Variants in TNRC18 observed in about 807,000 individuals in gnomAD.
TNRC18 encodes the protein trinucleotide repeat containing 18.
In TNRC18, 69 loss-of-function variants were observed where a neutral mutation model predicts 226.7. The observed-to-expected ratio is 0.30, with a 90% CI of 0.25 to 0.37. TNRC18 has a LOEUF of 0.37. Among genes scored for constraint, TNRC18 ranks in the 10% least tolerant of loss-of-function variants. The pLI, the probability that TNRC18 is intolerant of heterozygous loss-of-function variation, is 1.00. For missense variants in TNRC18, 4,754 were observed against 4,256.6 expected, an observed-to-expected ratio of 1.12 and a Z score of -3.25; for synonymous variants, 2,449 against 1,927.6, an observed-to-expected ratio of 1.27 and a Z score of -7.09.
chr7:5,332,791 A>G lies in TNRC18; in HGVS notation c.5978T>C (p.Leu1993Pro). 6.6e-7 allele frequency: 1 copy of G among 1,513,458 alleles called. No homozygotes were observed. 93.8% of individuals were successfully genotyped at this position (1,513,458 alleles called of 1,614,324 possible). ...GCGCTCGCTGCGGCGCCGCGTCCAC[A>G]GGTCGTCGTCGCTGGCCTCGGGCCC... Reference protein sequence around the residue: ...EAGPEASDDDLWTRRRSERIF... With the variant: ...EAGPEASDDDPWTRRRSERIF... Residue 1993 changes from leucine to proline, a missense_variant, in exon 19 of 30, where the codon CTG becomes CCG. Leu to Pro is a moderately conservative substitution (Grantham distance 98, BLOSUM62 -3). Coordinates refer to ENST00000430969, the MANE Select transcript of TNRC18 (RefSeq NM_001080495.3).
intron 18 of TNRC18, among the ~76,000 whole-genome samples, chr7:5,340,490 A>G (rs1790576608): frequency 1.3e-5 from 2 of 152,160 alleles, no homozygotes; most frequent in Admixed American, 1.3e-4. Flanking sequence ...TCATCCCAGC[A>G]CTTTGGGAGG....
At chr7:5,314,131 T>C (rs1182662066) in intron 26 of TNRC18, among the ~76,000 whole-genome samples, 2 of 151,176 alleles carry the variant, frequency 1.3e-5, no homozygotes, top group Middle Eastern at 3.4e-3. Context: ...GGGGAATTTT[T>C]TGTATTATTA....
At chr7:5,358,768 C>A (rs971674328) in intron 15 of TNRC18, among the ~76,000 whole-genome samples, 1 of 152,118 alleles carries the variant, frequency 6.6e-6, no homozygotes, top group Admixed American at 6.6e-5. Context: ...GAGCCGAGAT[C>A]GTGCCACGGC....
At chr7:5,408,882 A>G (rs965505080) in intron 2 of TNRC18, among the ~76,000 whole-genome samples, 1 of 152,210 alleles carries the variant, frequency 6.6e-6, no homozygotes, top group Non-Finnish European at 1.5e-5. Context: ...TCTGTTTACT[A>G]GGGAAAGATG....
intron 2 of TNRC18, 197 bp downstream of exon 2, chr7:5,420,863 G>C: frequency 2.6e-6 from 2 of 755,866 alleles, no homozygotes; most frequent in Non-Finnish European, 2.3e-6. Flanking sequence ...GGAAAAGGTA[G>C]CCGAGCCGCG....
chr7:5,420,288 C>T (rs1399889377), intron 2 of TNRC18: 5 of 429,054 alleles, frequency 1.2e-5, no homozygotes, highest in African/African-American at 2.0e-5. Context: ...AGGGTTTTCC[C>T]CTCCGCCGCC....
At position 5,313,640 on chromosome 7, in the gene TNRC18, A is replaced by G; in HGVS notation, c.7251T>C (p.Ala2417=). 1 of 1,604,156 alleles carries G rather than the reference A, an allele frequency of 6.2e-7. No homozygotes were observed. ...GTGCTGGGGCCAGGGAGGTGGCAGG[A>G]GCTGGCAGCTCTGCAAATGGCTCGG... ...PAPEPFAELP[A]PATSLAPAPL... Residue 2417 remains alanine (A), a synonymous_variant, in exon 27 of 30, where the codon GCT becomes GCC. Transcript: ENST00000430969.
At chr7:5,308,414 G>C in intron 29 of TNRC18, 102 bp from the exon 30 acceptor site, 6 of 1,105,628 alleles carry the variant, frequency 5.4e-6, no homozygotes, top group Non-Finnish European at 7.8e-6. Context: ...GGGAGCCCCA[G>C]GGACTGAGAC....
chr7:5,308,720 G>A (rs1386051697), intron 29 of TNRC18, among the ~76,000 whole-genome samples, 155 bp downstream of exon 29: 2 of 152,168 alleles, frequency 1.3e-5, no homozygotes, highest in Non-Finnish European at 2.9e-5. Flanking sequence ...ACAGAGAACA[G>A]GAGCCAGGCA....
Position 5,321,202 on chromosome 7 carries a change from G to C in TNRC18, c.6443-12C>G, listed in dbSNP as rs769644972. Reference sequence around the variant, plus strand: ...GCAGGAGCGAGGGGCTGCAGGGGTTGGATCGTGAGGCGAGGCTGGAGCCGG... The same window carrying C: ...GCAGGAGCGAGGGGCTGCAGGGGTTCGATCGTGAGGCGAGGCTGGAGCCGG... On this transcript the variant is annotated splice_polypyrimidine_tract_variant and intron_variant, in intron 21 of 29. Transcript: ENST00000430969. The C allele has an allele frequency of 2.0e-6, 3 of 1,528,910 alleles. No homozygotes were observed. Among genetic ancestry groups the C allele is most frequent in the East Asian group, 2.5e-5 (1 of 40,422 alleles). 94.7% of individuals were successfully genotyped at this position (1,528,910 alleles called of 1,614,324 possible). A position where few individuals can be genotyped will look rare whatever the true frequency, so the allele number is the denominator to read the frequency against.
chr7:5,343,231 G>A (rs992126927), intron 18 of TNRC18, among the ~76,000 whole-genome samples: 2 of 141,636 alleles, frequency 1.4e-5, no homozygotes, highest in Non-Finnish European at 3.2e-5. Context: ...GTGTGTGCTT[G>A]TAATCCCAGC....
At chr7:5,421,828 ACCT>A (rs913477844) in intron 1 of TNRC18, among the ~76,000 whole-genome samples, 2 of 152,062 alleles carry the variant, frequency 1.3e-5, no homozygotes, top group Admixed American at 6.5e-5. Context: ...GTAAATACAA[ACCT>A]CCTATTTTAT....
At chr7:5,420,609 T>G (rs1337158632) in intron 2 of TNRC18, 1 of 455,548 alleles carries the variant, frequency 2.2e-6, no homozygotes, top group Non-Finnish European at 4.4e-6. Flanking sequence ...TCGGCGCGAG[T>G]GGTGGAGCTG....
In TNRC18 at chr7:5,388,681, GA is replaced by G; in HGVS notation, c.1142del (p.Phe381SerfsTer209). 1 of 1,266,214 alleles carries G rather than the reference GA, an allele frequency of 7.9e-7. No homozygotes were observed. The highest frequency in any genetic ancestry group is 1.6e-5 in the African/African-American group (1 of 62,434). The allele number at this position is 1,266,214 out of a possible 1,614,324, so 78.4% of individuals were successfully genotyped here. ...APTFVPSVEA[F>X]DERPGPIQIA... ...TCTGGATGGGCCCCGGGCGCTCGTC[GA>G]AGGCCTCCACGGAAGGCACGAAGGT... is the stretch of plus-strand genomic sequence containing the variant. On this transcript the variant is annotated frameshift_variant, in exon 5 of 30. Coordinates refer to ENST00000430969, the MANE Select transcript of TNRC18 (RefSeq NM_001080495.3). LOFTEE classifies it high-confidence loss of function.
chr7:5,326,995 ACG>A (rs1562496514), intron 19 of TNRC18, among the ~76,000 whole-genome samples: 4 of 151,722 alleles, frequency 2.6e-5, no homozygotes, highest in East Asian at 2.0e-4. Context: ...ATGGTGGCAC[ACG>A]CCTGTAGTCC....
intron 2 of TNRC18, among the ~76,000 whole-genome samples, chr7:5,413,902 G>A (rs1781995236): frequency 6.6e-6 from 1 of 152,124 alleles, no homozygotes; most frequent in Non-Finnish European, 1.5e-5. Flanking sequence ...ATAGTACAAT[G>A]AATGGTCCTA....
At chr7:5,420,799 C>T (rs1016665353) in intron 2 of TNRC18, 3 of 674,500 alleles carry the variant, frequency 4.4e-6, no homozygotes, top group Admixed American at 2.0e-5. Flanking sequence ...GAATCGCCCC[C>T]GGTGGCTCGG....
rs1399297765 is a variant in TNRC18 at position 5,315,986 on chromosome 7, G to A, written c.6832C>T (p.Arg2278Cys). The A allele has an allele frequency of 3.1e-6, 5 of 1,599,522 alleles. No homozygotes were observed. Among genetic ancestry groups the A allele is most frequent in the Admixed American group, 1.7e-5 (1 of 57,958 alleles). The change falls in exon 25 of 30, where the codon CGC becomes TGC. Residue 2278 changes from arginine (R) to cysteine (C), a missense_variant. Arg to Cys is a radical substitution (Grantham distance 180). Coordinates refer to ENST00000430969, the MANE Select transcript of TNRC18 (RefSeq NM_001080495.3). The part of the protein sequence containing the change: ...DTGRIPLSHI[R>C]LLPPDYKIQC... ...ATCTTATAGTCAGGGGGCAGGAGGC[G>A]GATATGTGAGAGGGGGATCCTGCCC...
rs1786611479 is a variant in TNRC18 at position 5,307,160 on chromosome 7, A to G, written c.*946T>C. ...GAGGCCGGTGAAGCCGGTGCTAGAC[A>G]CTATAATCTAACAGGAAATAAAAAA... On this transcript the variant is annotated 3_prime_UTR_variant, in exon 30 of 30. Transcript: ENST00000430969. 1 of 151,124 alleles carries G rather than the reference A, an allele frequency of 6.6e-6. No homozygotes were observed. Among genetic ancestry groups the G allele is most frequent in the East Asian group, 1.9e-4 (1 of 5,190 alleles). 9.4% of individuals were successfully genotyped at this position (151,124 alleles called of 1,614,324 possible).
Sources: gnomAD v4.1 joint callset for allele counts (sites outside exome capture counted in the v4.1 genomes callset) on GRCh38, gnomAD v4.1.1 for gene constraint, MANE v1.5 for transcripts, NCBI Gene and HGNC (gene_info 2026-07-23, HGNC 2026-07-21) for gene names.